GFRA1: variants seen among roughly 807,000 people sequenced by gnomAD.
GFRA1 encodes GDNF family receptor alpha 1.
GFRA1 carries 16 observed loss-of-function variants against 51.6 expected under a neutral mutation model. The ratio of observed to expected loss-of-function variants is 0.31; its 90% CI spans 0.21 to 0.47. GFRA1 has a LOEUF of 0.47. Ranked by LOEUF, GFRA1 falls within the 20% of genes least tolerant of loss-of-function variation. GFRA1 has a pLI of 1.00. For missense variants in GFRA1, 530 were observed against 594.3 expected, an observed-to-expected ratio of 0.89 and a Z score of 1.13; for synonymous variants, 270 against 241.3, an observed-to-expected ratio of 1.12 and a Z score of -1.10.
intron 8 of GFRA1, among the ~76,000 whole-genome samples, chr10:116,092,141 T>TCACACACACA: frequency 1.2e-5 from 1 of 81,438 alleles, no homozygotes; most frequent in East Asian, 4.7e-4. Flanking sequence ...ACACACACAT[T>TCACACACACA]TTCAGTCGAG....
rs760977376 is a variant in GFRA1, at chr10:116,269,629, T to C, written c.335-43A>G. ...ATTGGGCTCAGATCAGAAAAACATA[T>C]ATTTCAAGCAGGTTTTTGCTGCTGA... On this transcript the variant is annotated intron_variant, in intron 3 of 10. Coordinates refer to ENST00000355422, the MANE Select transcript of GFRA1 (RefSeq NM_005264.8). 9.2e-6 allele frequency: 11 copies of C among 1,197,150 alleles called. No homozygotes were observed. The East Asian group carries it at 1.4e-4, about 15-fold the overall frequency. The allele number at this position is 1,197,150 out of a possible 1,614,324, so 74.2% of individuals were successfully genotyped here.
chr10:116,186,653 G>A (rs907145958), intron 5 of GFRA1, among the ~76,000 whole-genome samples: 5 of 151,874 alleles, frequency 3.3e-5, no homozygotes, highest in Admixed American at 1.3e-4. Flanking sequence ...CTACACATGG[G>A]GGGCGGCGGG....
intron 9 of GFRA1, among the ~76,000 whole-genome samples, chr10:116,088,392 C>T (rs1360636728): frequency 1.3e-5 from 2 of 152,114 alleles, no homozygotes; most frequent in African/African-American, 2.4e-5. Context: ...TCCAGCATAG[C>T]GGGAGGCAGA....
intron 4 of GFRA1, among the ~76,000 whole-genome samples, chr10:116,238,126 C>T (rs1321084108): frequency 2.0e-5 from 3 of 152,154 alleles, no homozygotes; most frequent in Non-Finnish European, 2.9e-5. Context: ...ATAAATTTAA[C>T]ACCGGAATTA....
In GFRA1 at chr10:116,248,323, T is replaced by A. The variant is rs137998604; in HGVS notation, c.418+21180A>T. Among the ~76,000 whole-genome samples the A allele has an allele frequency of 3.8e-3, 580 of 152,270 alleles. 3 individuals are homozygous for A. Among genetic ancestry groups the A allele is most frequent in the Non-Finnish European group, 6.4e-3 (434 of 68,020 alleles). ...GCACCCACTAGACCTGAGCTGCACC[T>A]CCACCATGCCAGGCTCAATGCAATC... On this transcript the variant is annotated intron_variant, in intron 4 of 10. Coordinates refer to ENST00000355422, the MANE Select transcript of GFRA1 (RefSeq NM_005264.8).
intron 9 of GFRA1, among the ~76,000 whole-genome samples, chr10:116,079,524 C>T (rs527969133): frequency 3.2e-4 from 49 of 152,150 alleles, no homozygotes; most frequent in African/African-American, 1.1e-3. Flanking sequence ...CCCTTCGCTT[C>T]GGGCAGTGAT....
At chr10:116,206,921 C>T (rs1485781577) in intron 5 of GFRA1, among the ~76,000 whole-genome samples, 2 of 152,094 alleles carry the variant, frequency 1.3e-5, no homozygotes, top group Non-Finnish European at 2.9e-5. Flanking sequence ...CGTGAGCCAC[C>T]GCACCCGGCC....
At chr10:116,078,292 A>G (rs947623761) in intron 9 of GFRA1, among the ~76,000 whole-genome samples, 1 of 152,184 alleles carries the variant, frequency 6.6e-6, no homozygotes, top group African/African-American at 2.4e-5. Context: ...AGCAGTTATT[A>G]TAAAAGGTGT....
chr10:116,081,739 G>A (rs1479451608), intron 9 of GFRA1, among the ~76,000 whole-genome samples: 1 of 152,216 alleles, frequency 6.6e-6, no homozygotes. Flanking sequence ...GTCATAGAAT[G>A]AGATGGTTTA....
chr10:116,237,139 GTTTC>G (rs1374519995), intron 4 of GFRA1, among the ~76,000 whole-genome samples: 9 of 152,176 alleles, frequency 5.9e-5, no homozygotes, highest in African/African-American at 2.2e-4. Flanking sequence ...TCCATCCATA[GTTTC>G]TTTGTGTATA....
intron 5 of GFRA1, among the ~76,000 whole-genome samples, chr10:116,187,350 C>A (rs369364339): frequency 6.6e-6 from 1 of 152,142 alleles, no homozygotes; most frequent in Non-Finnish European, 1.5e-5. Context: ...CCCTGTGTGG[C>A]CCCTGATGTC....
rs1298033543 is a variant in GFRA1, at chr10:116,096,871, ACACGCACACG to A, written c.771-117_771-108del. On this transcript the variant is annotated intron_variant, in intron 6 of 10. Coordinates refer to ENST00000355422, the MANE Select transcript of GFRA1 (RefSeq NM_005264.8). The stretch of plus-strand genomic sequence containing the variant: ...CCTTTGTTGATATGCCTTTTTCTGC[ACACGCACACG>A]CACACACACACACACACACATACAC... 11 of 59,666 alleles carry A rather than the reference ACACGCACACG, an allele frequency of 1.8e-4. No homozygotes were observed. In the East Asian group the frequency reaches 3.6e-3, roughly 20 times the overall value. 3.7% of individuals were successfully genotyped at this position (59,666 alleles called of 1,614,324 possible). A position where few individuals can be genotyped will look rare whatever the true frequency, so the allele number is the denominator to read the frequency against.
chr10:116,264,318 A>G, intron 4 of GFRA1, among the ~76,000 whole-genome samples: 1 of 152,152 alleles, frequency 6.6e-6, no homozygotes, highest in East Asian at 1.9e-4. Context: ...CTGAGCTTCA[A>G]GTCTATAAAA....
At chr10:116,109,005 C>A (rs1182686849) in intron 6 of GFRA1, among the ~76,000 whole-genome samples, 1 of 152,188 alleles carries the variant, frequency 6.6e-6, no homozygotes, top group East Asian at 1.9e-4. Flanking sequence ...TTAACAGGTG[C>A]AGAGGAGAAA....
intron 5 of GFRA1, among the ~76,000 whole-genome samples, chr10:116,129,059 A>G (rs1397741860): frequency 6.6e-6 from 1 of 152,158 alleles, no homozygotes; most frequent in Non-Finnish European, 1.5e-5. Flanking sequence ...TAGAATCCGC[A>G]ACCTGGAATA....
In GFRA1 at chr10:116,272,933, A is replaced by T. The variant is rs2577362; in HGVS notation, c.-247+230T>A. 0.8 allele frequency: 120,819 copies of T among 151,956 alleles called. 49,916 individuals are homozygous for T. Among genetic ancestry groups the T allele is most frequent in the Non-Finnish European group, 0.92 (62,398 of 68,006 alleles). 9.4% of individuals were successfully genotyped at this position (151,956 alleles called of 1,614,324 possible). A position where few individuals can be genotyped will look rare whatever the true frequency, so the allele number is the denominator to read the frequency against. ...CTCACACTCTCGCCCGGTGCCCAGG[A>T]CTCGGGCGCTTCCGCACCCCAGCCC... is the stretch of plus-strand genomic sequence containing the variant. On this transcript the variant is annotated intron_variant, in intron 1 of 10. Coordinates refer to ENST00000355422, the MANE Select transcript of GFRA1 (RefSeq NM_005264.8). This position sits in a 1 kb window ranked among gnomAD's most constrained non-coding sequence, Gnocchi z 4.4.
At chr10:116,197,865 G>T (rs1164557478) in intron 5 of GFRA1, among the ~76,000 whole-genome samples, 1 of 152,184 alleles carries the variant, frequency 6.6e-6, no homozygotes, top group Non-Finnish European at 1.5e-5. Context: ...GCTGAGGCAT[G>T]CGTGGGCTTG....
chr10:116,272,268 G>A lies in GFRA1; in HGVS notation c.-239C>T. On this transcript the variant is annotated 5_prime_UTR_variant, in exon 2 of 11. Transcript: ENST00000355422. This position sits in a 1 kb window ranked among gnomAD's most constrained non-coding sequence, Gnocchi z 4.4. ...GTTCCGCTTTTAGGGGTTCAGGTCC[G>A]ACCCAACCTGGAAGGGAGGGCGCGC... The A allele has an allele frequency of 3.4e-6, 2 of 591,284 alleles. No individual in the cohort carries two copies. The highest frequency in any genetic ancestry group is 6.0e-6 in the Non-Finnish European group (2 of 331,314). 36.6% of individuals were successfully genotyped at this position (591,284 alleles called of 1,614,324 possible). A position where few individuals can be genotyped will look rare whatever the true frequency, so the allele number is the denominator to read the frequency against.
chr10:116,189,103 A>T (rs1963015075), intron 5 of GFRA1, among the ~76,000 whole-genome samples: 1 of 151,372 alleles, frequency 6.6e-6, no homozygotes, highest in African/African-American at 2.4e-5. Context: ...AAAAAAAAAA[A>T]AAAAAAAAAG....
Sources: gnomAD v4.1 joint callset for allele counts (sites outside exome capture counted in the v4.1 genomes callset) on GRCh38, gnomAD v4.1.1 for gene constraint, Gnocchi (gnomAD v3.1) non-coding constraint, MANE v1.5 for transcripts, NCBI Gene and HGNC (gene_info 2026-07-23, HGNC 2026-07-21) for gene names.